Variants in CWF19L2 observed in about 807,000 individuals in gnomAD.
CWF19L2 encodes CWF19-like protein 2.
CWF19L2 carries 98 observed loss-of-function variants against 111.7 expected under a neutral mutation model. The observed-to-expected ratio is 0.88, with a 90% confidence interval of 0.75 to 1.04. CWF19L2 has a LOEUF of 1.04. CWF19L2 is among the 50% of genes least tolerant of loss of function. CWF19L2 has a pLI of 0.00. For missense variants in CWF19L2, 1,101 were observed against 1,051.4 expected (o/e 1.05, Z -0.65); for synonymous variants, 351 against 342.9 (o/e 1.02, Z -0.26).
At chr11:107,388,633 G>GC (rs1443273621) in intron 12 of CWF19L2, among the ~76,000 whole-genome samples, 2 of 152,042 alleles carry the variant, frequency 1.3e-5, no homozygotes, top group Non-Finnish European at 2.9e-5. Flanking sequence ...GCCTGCCTAG[G>GC]CCCCCCAAAT....
chr11:107,442,548 TG>T (rs67746637), intron 4 of CWF19L2, among the ~76,000 whole-genome samples: 150,435 of 150,436 alleles, frequency 1, 75,217 homozygotes, highest in Non-Finnish European at 1. Flanking sequence ...CCAGGCGTGG[TG>T]GGCACACAAC....
Position 107,326,939 on chromosome 11 carries a change from A to G in CWF19L2, c.2656T>C (p.Tyr886His). Residue 886 changes from tyrosine to histidine, a missense_variant, in exon 18 of 18, where the codon TAT (tyrosine) becomes CAT (histidine). Transcript: ENST00000282251. Reference protein sequence around the residue: ...ALQFAQWWKPYDFTKSKNY With the variant: ...ALQFAQWWKPHDFTKSKNY ...TAGTTTTTACTTTTGGTGAAGTCAT[A>G]TGGTTTCCACCACTGAGCAAACTGC... is the stretch of plus-strand genomic sequence containing the variant. 6.2e-7 allele frequency: 1 copy of G among 1,606,940 alleles called. No individual in the cohort carries two copies. Among genetic ancestry groups the G allele is most frequent in the South Asian group, 1.1e-5 (1 of 89,634 alleles).
intron 15 of CWF19L2, among the ~76,000 whole-genome samples, chr11:107,336,335 T>C (rs974895080): frequency 6.6e-6 from 1 of 152,060 alleles, no homozygotes; most frequent in African/African-American, 2.4e-5. Context: ...TTAGTGAAGA[T>C]GGGGTTTTAT....
In CWF19L2 at chr11:107,441,486, T is replaced by G. The variant is rs1294443923; in HGVS notation, c.570+17A>C. The G allele has an allele frequency of 2.7e-6, 4 of 1,496,848 alleles. No individual in the cohort carries two copies. The South Asian group carries it at 5.4e-5, about 20-fold the overall frequency. 92.7% of individuals were successfully genotyped at this position (1,496,848 alleles called of 1,614,324 possible). On this transcript the variant is annotated intron_variant, in intron 5 of 17. Coordinates refer to ENST00000282251, the MANE Select transcript of CWF19L2 (RefSeq NM_152434.3). ...AAGGTAAATTAGAAAGTTAAAGCAT[T>G]TCAAATATTCTCTTACCTGTTCAAG...
intron 10 of CWF19L2, among the ~76,000 whole-genome samples, chr11:107,394,078 T>C (rs1275220341): frequency 6.6e-6 from 1 of 152,110 alleles, no homozygotes; most frequent in African/African-American, 2.4e-5. Context: ...AAAAATCCAT[T>C]TGAAACAAGA....
At chr11:107,329,580 T>G (rs1859812505) in intron 17 of CWF19L2, among the ~76,000 whole-genome samples, 1 of 152,170 alleles carries the variant, frequency 6.6e-6, no homozygotes, top group Non-Finnish European at 1.5e-5. Flanking sequence ...GAGCATTAAA[T>G]GAATGCTTAG....
At chr11:107,378,912 AG>A (rs1860638425) in intron 12 of CWF19L2, among the ~76,000 whole-genome samples, 1 of 152,210 alleles carries the variant, frequency 6.6e-6, no homozygotes, top group Non-Finnish European at 1.5e-5. Flanking sequence ...GATTGGGCAT[AG>A]GAAGACAAGA....
rs769744631 is a variant in CWF19L2, at chr11:107,327,029, T to C, written c.2566A>G (p.Ile856Val). The change falls in exon 18 of 18, where the codon ATA (isoleucine) becomes GTA (valine). Residue 856 changes from isoleucine to valine, a missense_variant. Ile to Val is a conservative substitution (Grantham distance 29, BLOSUM62 3). Coordinates refer to ENST00000282251, the MANE Select transcript of CWF19L2 (RefSeq NM_152434.3). ...CCTTTCCTCCAAAGTCTTGGTTCTA[T>C]ATCCAGCATCCCACCTATGATTTCC... ...GKEIIGGMLD[I>V]EPRLWRKGIR... 64 of 1,607,432 alleles carry C rather than the reference T, an allele frequency of 4.0e-5. No individual in the cohort carries two copies. Among genetic ancestry groups the C allele is most frequent in the Non-Finnish European group, 5.3e-5 (62 of 1,177,596 alleles).
intron 12 of CWF19L2, among the ~76,000 whole-genome samples, chr11:107,360,213 T>C (rs540400292): frequency 6.6e-6 from 1 of 152,262 alleles, no homozygotes; most frequent in Non-Finnish European, 1.5e-5. Context: ...CATGTGATAT[T>C]TGTCTTTCTG....
At chr11:107,407,864 A>G (rs1861103057) in intron 10 of CWF19L2, among the ~76,000 whole-genome samples, 1 of 152,120 alleles carries the variant, frequency 6.6e-6, no homozygotes. Flanking sequence ...TAACTACCCC[A>G]GAAAGCATTG....
At chr11:107,414,310 A>T (rs1861196332) in intron 10 of CWF19L2, among the ~76,000 whole-genome samples, 1 of 152,042 alleles carries the variant, frequency 6.6e-6, no homozygotes, top group African/African-American at 2.4e-5. Context: ...CCTCCACCTC[A>T]GCCTCCCAAG....
At chr11:107,334,684 T>C (rs1290819901) in intron 16 of CWF19L2, among the ~76,000 whole-genome samples, 197 bp downstream of exon 16, 6 of 152,194 alleles carry the variant, frequency 3.9e-5, no homozygotes, top group Admixed American at 3.3e-4. Flanking sequence ...GAAACATTCA[T>C]GTGAACAAAT....
At chr11:107,387,665 ACC>A (rs540632019) in intron 12 of CWF19L2, among the ~76,000 whole-genome samples, 232 of 152,146 alleles carry the variant, frequency 1.5e-3, no homozygotes, top group African/African-American at 5.1e-3. Context: ...AAACTATTAC[ACC>A]TCAGATCAAC....
In CWF19L2 at chr11:107,433,627, TACTC is replaced by T. The variant is rs1478541849; in HGVS notation, c.780+3_780+6del. ...ATAAGAGGCATCTCCTTAAAACAGA[TACTC>T]ACCCCATATCTTTCGGCTACAATGT... On this transcript the variant is annotated splice_donor_5th_base_variant and intron_variant, in intron 7 of 17. Coordinates refer to ENST00000282251, the MANE Select transcript of CWF19L2 (RefSeq NM_152434.3). The T allele has an allele frequency of 1.4e-6, 2 of 1,419,372 alleles. No homozygotes were observed. The highest frequency in any genetic ancestry group is 1.9e-6 in the Non-Finnish European group (2 of 1,040,708). 87.9% of individuals were successfully genotyped at this position (1,419,372 alleles called of 1,614,324 possible).
In CWF19L2 at chr11:107,428,909, A is replaced by T; in HGVS notation, c.1323T>A (p.Asp441Glu). The change falls in exon 8 of 18, where the codon GAT becomes GAA. Residue 441 changes from aspartate to glutamate, a missense_variant. By Grantham distance (45) the Asp-to-Glu change is conservative. Transcript: ENST00000282251. ...SNQKPSETST[D>E]EHQHVPEDPR... ...GGTCTTCTGGAACATGTTGGTGTTC[A>T]TCAGTACTGGTTTCCGATGGCTTTT... is the stretch of plus-strand genomic sequence containing the variant. 1 of 1,613,572 alleles carries T rather than the reference A, an allele frequency of 6.2e-7. No homozygotes were observed. The highest frequency in any genetic ancestry group is 8.5e-7 in the Non-Finnish European group (1 of 1,179,670).
chr11:107,384,564 T>C (rs1860737318), intron 12 of CWF19L2, among the ~76,000 whole-genome samples: 1 of 152,182 alleles, frequency 6.6e-6, no homozygotes, highest in Non-Finnish European at 1.5e-5. Context: ...TTCAAATACA[T>C]TTGCATTGAA....
At chr11:107,358,855 G>A (rs1412895029) in intron 12 of CWF19L2, among the ~76,000 whole-genome samples, 1 of 152,196 alleles carries the variant, frequency 6.6e-6, no homozygotes, top group Non-Finnish European at 1.5e-5. Context: ...CTGGTGTCAG[G>A]AGTAAAGCTG....
chr11:107,425,507 G>A (rs1045007841), intron 8 of CWF19L2, among the ~76,000 whole-genome samples: 4 of 151,858 alleles, frequency 2.6e-5, no homozygotes, highest in Non-Finnish European at 4.4e-5. Flanking sequence ...GTGTAGGTAT[G>A]CACTAAGCTT....
rs1411755733 is a variant in CWF19L2, at chr11:107,441,567, G to A, written c.506C>T (p.Ser169Leu). The change falls in exon 5 of 18, where the codon TCA becomes TTA. Residue 169 changes from serine (S) to leucine (L), a missense_variant. Transcript: ENST00000282251. ...CATAGTTTCCTTTTCAGCTTTGAGT[G>A]ATGATGATGACACAGTTTTAACAGA... The part of the protein sequence containing the change: ...FMSVKTVSSS[S>L]LKAEKETMRK... 3 of 1,550,320 alleles carry A rather than the reference G, an allele frequency of 1.9e-6. No individual in the cohort carries two copies. The highest frequency in any genetic ancestry group is 1.7e-6 in the Non-Finnish European group (2 of 1,146,568).
Sources: gnomAD v4.1 joint callset for allele counts (sites outside exome capture counted in the v4.1 genomes callset) on GRCh38, gnomAD v4.1.1 for gene constraint, MANE v1.5 for transcripts, NCBI Gene and HGNC (gene_info 2026-07-23, HGNC 2026-07-21) for gene names.